ATP8A2: variants seen among roughly 807,000 people sequenced by gnomAD.
The protein encoded by ATP8A2 is phospholipid-transporting ATPase IB.
In ATP8A2, 100 loss-of-function variants were observed where a neutral mutation model predicts 165.6. The ratio of observed to expected loss-of-function variants is 0.60; its 90% CI spans 0.51 to 0.71. The LOEUF (loss-of-function observed/expected upper bound fraction) is 0.71, where lower values mean the gene tolerates loss of function less well. Among genes scored for constraint, ATP8A2 ranks in the 30% least tolerant of loss-of-function variants. The pLI, the probability that ATP8A2 is intolerant of heterozygous loss-of-function variation, is 0.00. For missense variants in ATP8A2, 1,227 were observed against 1,479.5 expected, an observed-to-expected ratio of 0.83 and a Z score of 2.80; for synonymous variants, 543 against 548.8, an observed-to-expected ratio of 0.99 and a Z score of 0.15.
chr13:25,510,562 C>T (rs191681389), intron 2 of ATP8A2, among the ~76,000 whole-genome samples: 59 of 152,314 alleles, frequency 3.9e-4, no homozygotes, highest in African/African-American at 1.0e-3. Flanking sequence ...ACAAATGTTG[C>T]ACTCTGAGTG....
At chr13:25,897,449 T>C (rs1381097182) in intron 33 of ATP8A2, among the ~76,000 whole-genome samples, 1 of 151,332 alleles carries the variant, frequency 6.6e-6, no homozygotes, top group Non-Finnish European at 1.5e-5. Context: ...GACCTTTCTC[T>C]CTGGCTGCCC....
intron 25 of ATP8A2, among the ~76,000 whole-genome samples, chr13:25,729,161 G>A (rs1172285094): frequency 1.3e-5 from 2 of 151,628 alleles, no homozygotes; most frequent in African/African-American, 4.8e-5. Flanking sequence ...GCCTTTACAT[G>A]GCTATGACCT....
At chr13:25,439,329 C>CA (rs1311982233) in intron 1 of ATP8A2, among the ~76,000 whole-genome samples, 10 of 151,930 alleles carry the variant, frequency 6.6e-5, no homozygotes, top group East Asian at 3.9e-4. Flanking sequence ...GCTTCAGGGT[C>CA]AAAAAAAGGA....
chr13:25,593,829 A>G (rs1027798700), intron 24 of ATP8A2, among the ~76,000 whole-genome samples: 4 of 152,222 alleles, frequency 2.6e-5, no homozygotes, highest in Admixed American at 2.6e-4. Flanking sequence ...TTTTCATTAA[A>G]ATGACTCTCA....
intron 24 of ATP8A2, among the ~76,000 whole-genome samples, chr13:25,673,155 G>A (rs139698049): frequency 6.6e-6 from 1 of 152,274 alleles, no homozygotes; most frequent in Non-Finnish European, 1.5e-5. Flanking sequence ...TACCATGATG[G>A]ACAAGGCAAG....
At chr13:25,803,591 C>T (rs1043862761) in intron 27 of ATP8A2, among the ~76,000 whole-genome samples, 5 of 152,204 alleles carry the variant, frequency 3.3e-5, no homozygotes, top group African/African-American at 1.2e-4. Context: ...AACTCTCGTG[C>T]GTGTGCACAG....
chr13:25,469,117 A>G lies in ATP8A2; in HGVS notation c.217A>G (p.Ile73Val). ...PHLNKFRDNQ[I>V]STAKYSVLTF... ...TCTCAACAAATTCCGCGACAACCAG[A>G]TCAGGTAGGAGAAGGCGGCCGGCTC... Residue 73 changes from isoleucine to valine, a missense_variant, in exon 2 of 37, where the codon ATC (isoleucine) becomes GTC (valine). Transcript: ENST00000381655. 6.2e-7 allele frequency: 1 copy of G among 1,613,838 alleles called. No individual in the cohort carries two copies. Among genetic ancestry groups the G allele is most frequent in the Middle Eastern group, 1.6e-4 (1 of 6,062 alleles).
chr13:25,837,478 A>G (rs9581460), intron 29 of ATP8A2, among the ~76,000 whole-genome samples, 193 bp downstream of exon 29: 4,771 of 150,396 alleles, frequency 0.032, 275 homozygotes, highest in African/African-American at 0.11. Flanking sequence ...CACGCCACAA[A>G]CCCAGTGAAT....
intron 10 of ATP8A2, among the ~76,000 whole-genome samples, chr13:25,549,039 G>A (rs1389920306): frequency 6.6e-6 from 1 of 152,106 alleles, no homozygotes; most frequent in Non-Finnish European, 1.5e-5. Context: ...CTCTTTTAAT[G>A]ATCAGATCAA....
Position 26,012,580 on chromosome 13 carries a change from C to A in ATP8A2, c.3427C>A (p.Pro1143Thr). Residue 1143 changes from proline (P) to threonine (T), a missense_variant, in exon 36 of 37, where the codon CCG becomes ACG. Physicochemically the swap from Pro to Thr is conservative, Grantham distance 38. Transcript: ENST00000381655. ...CAAGAGGCTGGGCCGGAAGACGCCC[C>A]CGACGCTGTTCCGGGGCAGCTCCCT... ...LIKRLGRKTP[P>T]TLFRGSSLQQ... 2 of 1,529,040 alleles carry A rather than the reference C, an allele frequency of 1.3e-6. No individual in the cohort carries two copies. The highest frequency in any genetic ancestry group is 1.8e-6 in the Non-Finnish European group (2 of 1,138,260). 94.7% of individuals were successfully genotyped at this position (1,529,040 alleles called of 1,614,324 possible). A position where few individuals can be genotyped will look rare whatever the true frequency, so the allele number is the denominator to read the frequency against.
intron 24 of ATP8A2, among the ~76,000 whole-genome samples, chr13:25,594,982 G>GTATATATATATA (rs1275140289): frequency 1.2e-5 from 1 of 82,530 alleles, no homozygotes; most frequent in African/African-American, 4.6e-5. Flanking sequence ...GTGTGTGTGT[G>GTATATATATATA]TGTATATATA....
chr13:25,920,587 C>A (rs1403732918), intron 33 of ATP8A2, among the ~76,000 whole-genome samples: 1 of 152,158 alleles, frequency 6.6e-6, no homozygotes, highest in Admixed American at 6.5e-5. Context: ...TGGTAATTTG[C>A]CAAGTCTCCT....
intron 18 of ATP8A2, 185 bp downstream of exon 18, chr13:25,571,877 T>C: frequency 1.5e-6 from 1 of 647,026 alleles, no homozygotes; most frequent in Non-Finnish European, 2.8e-6. Context: ...TGCAGTATTG[T>C]TTTCCCCTTC....
intron 35 of ATP8A2, among the ~76,000 whole-genome samples, chr13:25,975,956 A>G (rs1380580506): frequency 1.3e-5 from 2 of 151,752 alleles, no homozygotes; most frequent in Non-Finnish European, 2.9e-5. Context: ...CCATAAAAAG[A>G]CTCTCTGGAT....
At chr13:25,796,000 A>G (rs1224854041) in intron 27 of ATP8A2, among the ~76,000 whole-genome samples, 1 of 151,618 alleles carries the variant, frequency 6.6e-6, no homozygotes, top group Non-Finnish European at 1.5e-5. Context: ...CCCAGGCTGG[A>G]GTGCAGTAGC....
At chr13:25,377,150 A>T (rs979765605) in intron 1 of ATP8A2, among the ~76,000 whole-genome samples, 4 of 152,260 alleles carry the variant, frequency 2.6e-5, no homozygotes, top group African/African-American at 7.2e-5. Context: ...TTAAGCATTT[A>T]TGAGACGAAG....
chr13:25,951,453 A>G (rs1331484070), intron 33 of ATP8A2, among the ~76,000 whole-genome samples: 1 of 152,246 alleles, frequency 6.6e-6, no homozygotes, highest in Non-Finnish European at 1.5e-5. Flanking sequence ...AGCTATAGTG[A>G]TAGCAGGCAG....
At chr13:25,932,837 A>C (rs1339439392) in intron 33 of ATP8A2, among the ~76,000 whole-genome samples, 2 of 151,918 alleles carry the variant, frequency 1.3e-5, no homozygotes, top group Non-Finnish European at 2.9e-5. Context: ...CATTGTTGTG[A>C]GCTGTGCATG....
chr13:25,929,640 C>G (rs535332221), intron 33 of ATP8A2, among the ~76,000 whole-genome samples: 4 of 152,266 alleles, frequency 2.6e-5, no homozygotes, highest in Non-Finnish European at 5.9e-5. Context: ...GGGAGGATCC[C>G]TTGAGCCCAG....
Sources: gnomAD v4.1 joint callset for allele counts (sites outside exome capture counted in the v4.1 genomes callset) on GRCh38, gnomAD v4.1.1 for gene constraint, MANE v1.5 for transcripts, NCBI Gene and HGNC (gene_info 2026-07-23, HGNC 2026-07-21) for gene names.